Variants in DGKB observed in about 807,000 individuals in gnomAD.
The protein encoded by DGKB is 90 kDa diacylglycerol kinase.
A neutral mutation model predicts 114.3 loss-of-function variants in DGKB; 67 were observed. The observed-to-expected ratio is 0.59, with a 90% CI of 0.48 to 0.72. The LOEUF (loss-of-function observed/expected upper bound fraction) is 0.72, where lower values mean the gene tolerates loss of function less well. Ranked by LOEUF, DGKB falls within the 30% of genes least tolerant of loss-of-function variation. The pLI is 0.00. For synonymous variants in DGKB, 398 were observed against 323.1 expected, an observed-to-expected ratio of 1.23 and a Z score of -2.49; for missense variants, 907 against 975.2, an observed-to-expected ratio of 0.93 and a Z score of 0.93.
chr7:14,562,840 TG>T (rs1177052524), intron 20 of DGKB, among the ~76,000 whole-genome samples: 9 of 152,132 alleles, frequency 5.9e-5, no homozygotes, highest in Non-Finnish European at 5.9e-5. Flanking sequence ...AATGCTGAAA[TG>T]GGTTAATACT....
intron 20 of DGKB, among the ~76,000 whole-genome samples, chr7:14,524,385 T>C (rs757680461): frequency 6.6e-6 from 1 of 152,136 alleles, no homozygotes; most frequent in Non-Finnish European, 1.5e-5. Flanking sequence ...TACTGAACTA[T>C]CCCCCGTCTC....
chr7:14,954,215 T>C (rs774960581), intron 1 of DGKB, among the ~76,000 whole-genome samples: 3 of 152,050 alleles, frequency 2.0e-5, no homozygotes, highest in African/African-American at 4.8e-5. Flanking sequence ...GTTCATTCCG[T>C]GCTGAGATTC....
chr7:14,661,499 A>T (rs1483871013), intron 13 of DGKB, among the ~76,000 whole-genome samples: 9 of 146,598 alleles, frequency 6.1e-5, no homozygotes, highest in African/African-American at 2.2e-4. Context: ...TCAAAACCAC[A>T]ATGAGATACC....
At chr7:14,723,716 C>A (rs916538845) in intron 5 of DGKB, among the ~76,000 whole-genome samples, 2 of 152,106 alleles carry the variant, frequency 1.3e-5, no homozygotes, top group African/African-American at 4.8e-5. Flanking sequence ...GCATTTATTT[C>A]TGTTAAAATA....
At chr7:14,456,265 G>C (rs1246201158) in intron 21 of DGKB, among the ~76,000 whole-genome samples, 1 of 151,924 alleles carries the variant, frequency 6.6e-6, no homozygotes, top group Non-Finnish European at 1.5e-5. Flanking sequence ...ATATAAAAAA[G>C]TCTGAAATCT....
Position 14,593,231 on chromosome 7 carries a change from A to G in DGKB, c.1434-10094T>C, listed in dbSNP as rs566098095. Among the ~76,000 whole-genome samples, 431 of 152,156 alleles carry G rather than the reference A, an allele frequency of 2.8e-3. 1 individual carries two copies. Among genetic ancestry groups the G allele is most frequent in the African/African-American group, 9.8e-3 (407 of 41,568 alleles). On this transcript the variant is annotated intron_variant, in intron 17 of 25. Coordinates refer to ENST00000402815, the MANE Select transcript of DGKB (RefSeq NM_001350709.2). The stretch of plus-strand genomic sequence containing the variant: ...GAAGGAGAGAGGGACAGAGAAAGGG[A>G]AAAACACAGACTGAAATGACAAAAG...
chr7:14,896,378 T>C (rs972909092), intron 1 of DGKB, among the ~76,000 whole-genome samples: 3 of 151,726 alleles, frequency 2.0e-5, no homozygotes, highest in African/African-American at 7.2e-5. Flanking sequence ...TACCTCTTTT[T>C]ATATTTTAAT....
chr7:14,219,888 G>A (rs1789641765), intron 23 of DGKB, among the ~76,000 whole-genome samples: 3 of 151,622 alleles, frequency 2.0e-5, no homozygotes, highest in African/African-American at 4.8e-5. Context: ...TCGTCTAAAA[G>A]TTTTATAGTT....
At chr7:14,524,286 C>A in intron 20 of DGKB, among the ~76,000 whole-genome samples, 1 of 152,104 alleles carries the variant, frequency 6.6e-6, no homozygotes, top group African/African-American at 2.4e-5. Flanking sequence ...CAGCTTCTTT[C>A]TCTCTCCGGG....
chr7:14,934,840 C>T (rs1785196148), intron 1 of DGKB, among the ~76,000 whole-genome samples: 1 of 152,170 alleles, frequency 6.6e-6, no homozygotes, highest in African/African-American at 2.4e-5. Context: ...TGTCCTTTGA[C>T]ATCTGTCCAA....
At chr7:14,413,401 T>C (rs1225677990) in intron 21 of DGKB, among the ~76,000 whole-genome samples, 2 of 152,180 alleles carry the variant, frequency 1.3e-5, no homozygotes, top group African/African-American at 2.4e-5. Context: ...CAGTTTTACA[T>C]GTAAAAATTT....
chr7:14,954,372 G>A (rs1786381198), intron 1 of DGKB, among the ~76,000 whole-genome samples: 1 of 151,932 alleles, frequency 6.6e-6, no homozygotes, highest in African/African-American at 2.4e-5. Context: ...GAGAGGTATG[G>A]GATAAGACTT....
At chr7:14,649,371 C>G (rs1455637019) in intron 13 of DGKB, among the ~76,000 whole-genome samples, 1 of 150,444 alleles carries the variant, frequency 6.6e-6, no homozygotes, top group Non-Finnish European at 1.5e-5. Context: ...ATTTTCAACC[C>G]AGAATTTCAT....
At chr7:14,243,017 TAGAG>T (rs1793918747) in intron 23 of DGKB, among the ~76,000 whole-genome samples, 2 of 152,054 alleles carry the variant, frequency 1.3e-5, no homozygotes, top group South Asian at 2.1e-4. Context: ...AAGGGTAAGA[TAGAG>T]GGAGAGAATA....
At chr7:14,566,872 C>T (rs1267402353) in intron 20 of DGKB, among the ~76,000 whole-genome samples, 1 of 151,702 alleles carries the variant, frequency 6.6e-6, no homozygotes, top group East Asian at 1.9e-4. Flanking sequence ...CAGATCTCTT[C>T]TTAAATGCAT....
chr7:14,439,198 A>G (rs1452645423), intron 21 of DGKB, among the ~76,000 whole-genome samples: 1 of 152,160 alleles, frequency 6.6e-6, no homozygotes, highest in Non-Finnish European at 1.5e-5. Context: ...CAGTGGCCTC[A>G]TTCCTGGTAT....
intron 21 of DGKB, among the ~76,000 whole-genome samples, chr7:14,404,386 T>C (rs1823611982): frequency 6.6e-6 from 1 of 151,850 alleles, no homozygotes; most frequent in Non-Finnish European, 1.5e-5. Context: ...CCAACTCTCG[T>C]GGGAGTCAAA....
intron 2 of DGKB, among the ~76,000 whole-genome samples, chr7:14,800,598 C>T (rs6978460): frequency 0.27 from 41,346 of 152,092 alleles, 8,803 homozygotes; most frequent in African/African-American, 0.59. Flanking sequence ...TTGTGGGACC[C>T]TGTGATTGTA....
intron 21 of DGKB, among the ~76,000 whole-genome samples, chr7:14,454,952 C>G (rs1209451401): frequency 6.6e-6 from 1 of 151,974 alleles, no homozygotes. Context: ...ATAATTTACC[C>G]TAGGCTTCAG....
Sources: gnomAD v4.1 joint callset for allele counts (sites outside exome capture counted in the v4.1 genomes callset) on GRCh38, gnomAD v4.1.1 for gene constraint, MANE v1.5 for transcripts, NCBI Gene and HGNC (gene_info 2026-07-23, HGNC 2026-07-21) for gene names.